Variants in COL19A1 observed in about 807,000 individuals in gnomAD.
COL19A1 encodes the protein collagen type XIX alpha 1 chain.
COL19A1 carries 159 observed loss-of-function variants against 190.2 expected under a neutral mutation model. The ratio of observed to expected loss-of-function variants is 0.84; its 90% CI spans 0.73 to 0.95. The LOEUF (loss-of-function observed/expected upper bound fraction) is 0.95. Among genes scored for constraint, COL19A1 ranks in the 40% least tolerant of loss-of-function variants. COL19A1 has a pLI of 0.00. For missense variants in COL19A1, 1,418 were observed against 1,431.9 expected (o/e 0.99, Z 0.16); for synonymous variants, 509 against 458.9 (o/e 1.11, Z -1.39).
chr6:69,868,921 G>A (rs1767649730), intron 1 of COL19A1, among the ~76,000 whole-genome samples: 1 of 152,152 alleles, frequency 6.6e-6, no homozygotes. Flanking sequence ...AGAAACCATG[G>A]TAGTGTGACT....
intron 1 of COL19A1, among the ~76,000 whole-genome samples, chr6:69,868,444 C>A (rs1380165030): frequency 2.6e-5 from 4 of 151,898 alleles, no homozygotes; most frequent in Non-Finnish European, 4.4e-5. Context: ...GGAGGGTGAC[C>A]CCCAGAGGCA....
At chr6:70,146,468 A>G (rs1009569992) in intron 25 of COL19A1, among the ~76,000 whole-genome samples, 191 bp from the exon 26 acceptor site, 2 of 152,032 alleles carry the variant, frequency 1.3e-5, no homozygotes, top group Non-Finnish European at 2.9e-5. Flanking sequence ...AAATAAAAAT[A>G]TTTTATATTT....
chr6:69,963,514 T>TAAGC (rs1202804485), intron 11 of COL19A1, among the ~76,000 whole-genome samples: 3 of 152,070 alleles, frequency 2.0e-5, no homozygotes, highest in African/African-American at 7.2e-5. Flanking sequence ...CAGCCCAAGA[T>TAAGC]AAGCACATAA....
intron 16 of COL19A1, among the ~76,000 whole-genome samples, chr6:70,111,062 G>C (rs755146607): frequency 6.6e-6 from 1 of 152,086 alleles, no homozygotes; most frequent in Non-Finnish European, 1.5e-5. Flanking sequence ...TTTTCAGAAC[G>C]GGATATTTGT....
intron 2 of COL19A1, among the ~76,000 whole-genome samples, chr6:69,885,045 G>T (rs1316387043): frequency 1.3e-5 from 2 of 152,090 alleles, no homozygotes; most frequent in African/African-American, 4.8e-5. Context: ...TGTATTTTCA[G>T]TAGAGATGGG....
At chr6:69,967,231 A>G (rs1208318858) in intron 11 of COL19A1, among the ~76,000 whole-genome samples, 1 of 152,202 alleles carries the variant, frequency 6.6e-6, no homozygotes, top group Non-Finnish European at 1.5e-5. Flanking sequence ...TTGGGCATAT[A>G]TGGTGGCAGA....
At chr6:69,916,844 G>A (rs541712712) in intron 4 of COL19A1, among the ~76,000 whole-genome samples, 6 of 152,238 alleles carry the variant, frequency 3.9e-5, no homozygotes, top group African/African-American at 1.4e-4. Context: ...AAAAAAGAAA[G>A]CTCAAAAAGA....
chr6:70,161,908 A>C lies in COL19A1; in HGVS notation c.2301A>C (p.Gln767His), dbSNP rs771348992. The C allele has an allele frequency of 6.2e-7, 1 of 1,607,644 alleles. No individual in the cohort carries two copies. The highest frequency in any genetic ancestry group is 1.1e-5 in the South Asian group (1 of 90,074). Residue 767 changes from glutamine to histidine, a missense_variant, in exon 35 of 51, where the codon CAA (glutamine) becomes CAC (histidine). Gln to His is a conservative substitution (Grantham distance 24, BLOSUM62 0). Transcript: ENST00000620364. The stretch of plus-strand genomic sequence containing the variant: ...GGAACTATCTTTTCCAGGGTCTTCA[A>C]GGAATTCCAGGCATTCCAGGTGCTC... ...IPGEKGDEGL[Q>H]GIPGIPGAPG...
chr6:69,966,982 G>T (rs1475771360), intron 11 of COL19A1, among the ~76,000 whole-genome samples: 1 of 152,148 alleles, frequency 6.6e-6, no homozygotes, highest in Non-Finnish European at 1.5e-5. Flanking sequence ...TTAAGTAATT[G>T]CTTCAAATCA....
chr6:70,180,593 C>T, intron 44 of COL19A1, 70 bp downstream of exon 44: 1 of 1,487,754 alleles, frequency 6.7e-7, no homozygotes, highest in Non-Finnish European at 9.4e-7. Context: ...TCATCTACCA[C>T]CTCAGAAATT....
chr6:70,110,014 C>T (rs1210738004), intron 16 of COL19A1, among the ~76,000 whole-genome samples: 1 of 152,174 alleles, frequency 6.6e-6, no homozygotes, highest in Non-Finnish European at 1.5e-5. Context: ...CCGTCTCCAA[C>T]TTTATTTACT....
At chr6:70,082,600 C>T (rs1036626301) in intron 15 of COL19A1, among the ~76,000 whole-genome samples, 3 of 152,010 alleles carry the variant, frequency 2.0e-5, no homozygotes, top group Non-Finnish European at 2.9e-5. Context: ...TTAGTAGAGA[C>T]GGGTTTCACC....
chr6:69,884,747 G>A (rs1172401507), intron 2 of COL19A1, among the ~76,000 whole-genome samples: 1 of 152,076 alleles, frequency 6.6e-6, no homozygotes, highest in Non-Finnish European at 1.5e-5. Context: ...CTAATTTTTG[G>A]AAGGAGAAGG....
At position 69,936,823 on chromosome 6, in the gene COL19A1, A is replaced by C. The variant is rs1256569684; in HGVS notation, c.786A>C (p.Ser262=). Residue 262 remains serine, a synonymous_variant, in exon 8 of 51, where the codon TCA becomes TCC. Coordinates refer to ENST00000620364, the MANE Select transcript of COL19A1 (RefSeq NM_001858.6). ...ATGGCTTTGGAAATATTGCATCATC[A>C]TGGGTAACTGCTCATGCCAGTAAAA... The part of the protein sequence containing the change: ...EQDGFGNIAS[S]WVTAHASKMS... The C allele has an allele frequency of 1.2e-6, 2 of 1,613,018 alleles. No homozygotes were observed. The highest frequency in any genetic ancestry group is 1.7e-5 in the Admixed American group (1 of 59,932).
chr6:69,967,586 C>T (rs536153398), intron 11 of COL19A1, among the ~76,000 whole-genome samples: 2 of 152,268 alleles, frequency 1.3e-5, no homozygotes, highest in Admixed American at 6.5e-5. Context: ...CATATGGTCC[C>T]TGCTTTAACT....
intron 27 of COL19A1, 34 bp downstream of exon 27, chr6:70,146,923 C>A: frequency 1.3e-6 from 2 of 1,512,508 alleles, no homozygotes; most frequent in Non-Finnish European, 8.9e-7. Context: ...TTGTTGATTC[C>A]AACATTGTGA....
chr6:69,996,915 C>A (rs1182794852), intron 11 of COL19A1, among the ~76,000 whole-genome samples: 1 of 133,492 alleles, frequency 7.5e-6, no homozygotes, highest in African/African-American at 3.7e-5. Context: ...CTCAAAAAGA[C>A]TTGTGTGTGT....
At chr6:69,935,970 A>G (rs556259557) in intron 7 of COL19A1, among the ~76,000 whole-genome samples, 3 of 152,252 alleles carry the variant, frequency 2.0e-5, no homozygotes, top group African/African-American at 7.2e-5. Flanking sequence ...ATACTTTACC[A>G]TGCATTTATA....
At chr6:70,142,105 G>A (rs747971180) in intron 22 of COL19A1, 29 bp downstream of exon 22, 1 of 1,593,490 alleles carries the variant, frequency 6.3e-7, no homozygotes, top group Admixed American at 1.7e-5. Context: ...AGATTTCTTG[G>A]GAAATAATTT....
Sources: gnomAD v4.1 joint callset for allele counts (sites outside exome capture counted in the v4.1 genomes callset) on GRCh38, gnomAD v4.1.1 for gene constraint, MANE v1.5 for transcripts, NCBI Gene and HGNC (gene_info 2026-07-23, HGNC 2026-07-21) for gene names.